Variants in TDRD3 observed in about 807,000 individuals in gnomAD.
TDRD3 encodes tudor domain containing 3, also known as tudor domain-containing protein 3.
A neutral mutation model predicts 86.7 loss-of-function variants in TDRD3; 45 were observed. The ratio of observed to expected loss-of-function variants is 0.52; its 90% CI spans 0.41 to 0.67. The LOEUF (loss-of-function observed/expected upper bound fraction) is 0.67. Among genes scored for constraint, TDRD3 ranks in the 30% least tolerant of loss-of-function variants. TDRD3 has a pLI of 0.00. For missense variants in TDRD3, 814 were observed against 889.0 expected (o/e 0.92, Z 1.07); for synonymous variants, 298 against 301.7 (o/e 0.99, Z 0.13).
chr13:60,432,701 T>C (rs575810271), intron 1 of TDRD3, among the ~76,000 whole-genome samples: 53 of 152,318 alleles, frequency 3.5e-4, no homozygotes, highest in African/African-American at 1.2e-3. Context: ...AGTAGGTCAG[T>C]TACTTCCATA....
intron 12 of TDRD3, among the ~76,000 whole-genome samples, chr13:60,562,999 T>TG (rs1448334832): frequency 1.3e-5 from 2 of 151,760 alleles, no homozygotes; most frequent in Non-Finnish European, 2.9e-5. Context: ...GAAGCCAAGG[T>TG]GGGTGGATCA....
chr13:60,430,318 T>C (rs774526722), intron 1 of TDRD3, among the ~76,000 whole-genome samples: 72 of 152,176 alleles, frequency 4.7e-4, no homozygotes, highest in Non-Finnish European at 9.3e-4. Context: ...GCATGGACTT[T>C]GTAGGCAGCA....
intron 2 of TDRD3, 136 bp from the exon 3 acceptor site, chr13:60,444,547 A>G (rs1222092550): frequency 2.0e-6 from 1 of 498,934 alleles, no homozygotes; most frequent in South Asian, 3.6e-5. Flanking sequence ...GATTGATAAT[A>G]CATGTAGATC....
At chr13:60,567,444 A>T (rs771093603) in intron 12 of TDRD3, 81 bp from the exon 13 acceptor site, 70 of 1,585,580 alleles carry the variant, frequency 4.4e-5, no homozygotes, top group Non-Finnish European at 5.7e-5. Context: ...GATATTATTA[A>T]AATAGGGACC....
At chr13:60,555,508 T>A (rs1958163026) in intron 12 of TDRD3, among the ~76,000 whole-genome samples, 2 of 152,210 alleles carry the variant, frequency 1.3e-5, no homozygotes, top group African/African-American at 4.8e-5. Flanking sequence ...CTAAAATCTT[T>A]GAGCTAGTAA....
At chr13:60,500,090 C>T (rs985806339) in intron 8 of TDRD3, among the ~76,000 whole-genome samples, 4 of 152,184 alleles carry the variant, frequency 2.6e-5, no homozygotes, top group African/African-American at 9.7e-5. Context: ...TGGAGCAAGG[C>T]CCTGCCATCT....
chr13:60,486,218 A>G (rs937707169), intron 7 of TDRD3, among the ~76,000 whole-genome samples: 6 of 151,830 alleles, frequency 4.0e-5, no homozygotes, highest in African/African-American at 1.2e-4. Flanking sequence ...TTTTTTTTAT[A>G]CAATGTAGTA....
chr13:60,431,868 A>T (rs924970572), intron 1 of TDRD3, among the ~76,000 whole-genome samples: 4 of 152,016 alleles, frequency 2.6e-5, no homozygotes, highest in African/African-American at 9.7e-5. Context: ...TTAACACTAC[A>T]TGCTGGTACT....
At chr13:60,502,297 C>T (rs770387736) in intron 8 of TDRD3, among the ~76,000 whole-genome samples, 1 of 152,124 alleles carries the variant, frequency 6.6e-6, no homozygotes, top group African/African-American at 2.4e-5. Context: ...ACTTGATTCA[C>T]AGGAATAAGC....
At chr13:60,426,734 A>T (rs1420237050) in intron 1 of TDRD3, among the ~76,000 whole-genome samples, 1 of 152,220 alleles carries the variant, frequency 6.6e-6, no homozygotes, top group East Asian at 1.9e-4. Flanking sequence ...CCAAGGGACA[A>T]ATGGTTTCAC....
chr13:60,500,614 T>C (rs1956810623), intron 8 of TDRD3, among the ~76,000 whole-genome samples: 1 of 152,348 alleles, frequency 6.6e-6, no homozygotes, highest in African/African-American at 2.4e-5. Context: ...GTGCACCTAG[T>C]TGTGCACTTT....
intron 1 of TDRD3, among the ~76,000 whole-genome samples, chr13:60,401,151 TTTA>T (rs1171352700): frequency 3.4e-4 from 52 of 152,276 alleles, no homozygotes; most frequent in African/African-American, 1.2e-3. Context: ...TTCTGTATTT[TTTA>T]AGGTTTAAGA....
chr13:60,404,654 G>T (rs1277270990), intron 1 of TDRD3, among the ~76,000 whole-genome samples: 2 of 152,146 alleles, frequency 1.3e-5, no homozygotes, highest in East Asian at 1.9e-4. Flanking sequence ...GCCCAGGCTG[G>T]AGTGCAGTGG....
At chr13:60,541,308 C>T (rs1194159145) in intron 12 of TDRD3, among the ~76,000 whole-genome samples, 3 of 151,346 alleles carry the variant, frequency 2.0e-5, no homozygotes, top group African/African-American at 7.3e-5. Flanking sequence ...GCTGGCATTA[C>T]AGGCACCCGC....
rs932145715 is a variant in TDRD3 at position 60,406,259 on chromosome 13, G to A, written c.41+8854G>A. On this transcript the variant is annotated intron_variant, in intron 1 of 13. Transcript: ENST00000377881. ...AGATCATCTAAGGCTGCAGCTGTCC[G>A]GTATGGTGGACATTAGACAAATATG... 3.3e-5 allele frequency among the ~76,000 whole-genome samples: 5 copies of A among 152,264 alleles called. No individual in the cohort carries two copies. In the South Asian group the frequency reaches 8.3e-4, roughly 25 times the overall value.
At chr13:60,501,646 T>A (rs556315704) in intron 8 of TDRD3, among the ~76,000 whole-genome samples, 1 of 152,348 alleles carries the variant, frequency 6.6e-6, no homozygotes, top group Admixed American at 6.5e-5. Flanking sequence ...GGACAAGTGT[T>A]TACCATCCAT....
In TDRD3 at chr13:60,529,065, T is replaced by C; in HGVS notation, c.1840T>C (p.Cys614Arg). The change falls in exon 11 of 14, where the codon TGT becomes CGT. Residue 614 changes from cysteine (C) to arginine (R), a missense_variant. Coordinates refer to ENST00000377881, the MANE Select transcript of TDRD3 (RefSeq NM_001146070.2). ...KPAGPVTAVP[C>R]DDKIFYNSGP... is the part of the protein sequence containing the mutation. ...AGCAGGACCTGTCACAGCTGTACCCTGTGATGATAAAATATTTTACAATAG... is the reference window on the plus strand; with the variant it reads ...AGCAGGACCTGTCACAGCTGTACCCCGTGATGATAAAATATTTTACAATAG... 1 of 1,614,020 alleles carries C rather than the reference T, an allele frequency of 6.2e-7. No individual in the cohort carries two copies. Among genetic ancestry groups the C allele is most frequent in the East Asian group, 2.2e-5 (1 of 44,854 alleles).
chr13:60,419,166 A>G (rs1046565745), intron 1 of TDRD3, among the ~76,000 whole-genome samples: 8 of 152,200 alleles, frequency 5.3e-5, no homozygotes, highest in East Asian at 1.9e-4. Context: ...TTATACTCCA[A>G]CCAACAGTGT....
At chr13:60,416,285 A>AT (rs35906738) in intron 1 of TDRD3, among the ~76,000 whole-genome samples, 23,161 of 150,466 alleles carry the variant, frequency 0.15, 1,994 homozygotes, top group Admixed American at 0.26. Context: ...TTCTAATGAG[A>AT]TTTTTTTTTT....
Sources: allele counts gnomAD v4.1 joint callset (sites outside exome capture counted in the v4.1 genomes callset), GRCh38; gene constraint gnomAD v4.1.1; transcripts MANE v1.5; gene names NCBI Gene and HGNC (gene_info 2026-07-23, HGNC 2026-07-21).